Variants in ATL2 observed in about 807,000 individuals in gnomAD.
ATL2 encodes the protein atlastin-2.
In ATL2, 31 loss-of-function variants were observed where a neutral mutation model predicts 73.9. The ratio of observed to expected loss-of-function variants is 0.42; its 90% CI spans 0.32 to 0.57. The LOEUF (loss-of-function observed/expected upper bound fraction) is 0.57, where lower values mean the gene tolerates loss of function less well. ATL2 is among the 20% of genes least tolerant of loss of function. ATL2 has a pLI of 0.14. For synonymous variants in ATL2, 291 were observed against 237.5 expected (o/e 1.23, Z -2.07); for missense variants, 738 against 702.6 (o/e 1.05, Z -0.57).
At chr2:38,326,249 C>T (rs1668658326) in intron 2 of ATL2, among the ~76,000 whole-genome samples, 1 of 152,152 alleles carries the variant, frequency 6.6e-6, no homozygotes, top group Non-Finnish European at 1.5e-5. Context: ...ACCCCAAAGA[C>T]AGTGAGAGAA....
chr2:38,304,943 A>C (rs1480619616), intron 9 of ATL2, among the ~76,000 whole-genome samples: 1 of 152,182 alleles, frequency 6.6e-6, no homozygotes, highest in Non-Finnish European at 1.5e-5. Flanking sequence ...CATTGAGTGT[A>C]AATGGGCTAA....
chr2:38,372,123 G>GT (rs371482809), intron 1 of ATL2, among the ~76,000 whole-genome samples: 2,565 of 125,144 alleles, frequency 0.02, 65 homozygotes, highest in South Asian at 0.05. Flanking sequence ...CATGTTAATT[G>GT]TTTTTTTTTT....
chr2:38,370,974 A>C (rs1326058404), intron 1 of ATL2, among the ~76,000 whole-genome samples: 1 of 151,840 alleles, frequency 6.6e-6, no homozygotes, highest in Non-Finnish European at 1.5e-5. Context: ...GAAAAAAATA[A>C]GGAAAAAAAT....
At position 38,309,519 on chromosome 2, in the gene ATL2, A is replaced by C; in HGVS notation, c.944-13T>G. 1 of 1,605,682 alleles carries C rather than the reference A, an allele frequency of 6.2e-7. No homozygotes were observed. The highest frequency in any genetic ancestry group is 2.2e-5 in the East Asian group (1 of 44,760). On this transcript the variant is annotated splice_polypyrimidine_tract_variant and intron_variant, in intron 8 of 12. Transcript: ENST00000378954. Reference sequence around the variant, plus strand: ...TCTTCATCAATATCTAGAAAACAAAAAATTGAGCAACATATTAGTCCAAAA... The same window carrying C: ...TCTTCATCAATATCTAGAAAACAAACAATTGAGCAACATATTAGTCCAAAA...
intron 9 of ATL2, 56 bp from the exon 10 acceptor site, chr2:38,300,384 C>A: frequency 8.1e-7 from 1 of 1,238,036 alleles, no homozygotes; most frequent in South Asian, 1.3e-5. Flanking sequence ...GCTCCACATC[C>A]CCAAAGAAAG....
chr2:38,343,619 C>T, intron 1 of ATL2, 107 bp from the exon 2 acceptor site: 1 of 938,340 alleles, frequency 1.1e-6, no homozygotes, highest in Non-Finnish European at 1.6e-6. Context: ...GCCCCCTCCC[C>T]CCATTATAGA....
At chr2:38,330,283 A>C (rs138280067) in intron 2 of ATL2, among the ~76,000 whole-genome samples, 15 of 152,112 alleles carry the variant, frequency 9.9e-5, no homozygotes, top group Admixed American at 9.8e-4. Flanking sequence ...AAAAATCTAC[A>C]AAAAATCCTA....
intron 1 of ATL2, among the ~76,000 whole-genome samples, chr2:38,371,454 T>C (rs1308899544): frequency 6.6e-6 from 1 of 151,952 alleles, no homozygotes; most frequent in Admixed American, 6.6e-5. Context: ...ACCGCGGTGA[T>C]CACGCCACTG....
chr2:38,334,894 ATATATTAT>A (rs1669237328), intron 2 of ATL2, among the ~76,000 whole-genome samples: 4 of 115,710 alleles, frequency 3.5e-5, no homozygotes, highest in African/African-American at 1.6e-4. Flanking sequence ...AATATATAAT[ATATATTAT>A]TTATAATATA....
chr2:38,328,404 C>T (rs1195308742), intron 2 of ATL2, among the ~76,000 whole-genome samples: 2 of 152,134 alleles, frequency 1.3e-5, no homozygotes, highest in Non-Finnish European at 2.9e-5. Context: ...GAACATTCAC[C>T]AAGGTAGACC....
chr2:38,319,023 TTAAAGTCAAGGA>T lies in ATL2; in HGVS notation c.364-16_364-5del. The T allele has an allele frequency of 6.2e-7, 1 of 1,610,352 alleles. No individual in the cohort carries two copies. The highest frequency in any genetic ancestry group is 8.5e-7 in the Non-Finnish European group (1 of 1,178,824). The stretch of plus-strand genomic sequence containing the variant: ...CACCAATCCAACTTTGAGAATCCTG[TTAAAGTCAAGGA>T]TAAATGTAAAATACAACACAATTAA... On this transcript the variant is annotated splice_region_variant and splice_polypyrimidine_tract_variant and intron_variant, in intron 2 of 12. Coordinates refer to ENST00000378954, the MANE Select transcript of ATL2 (RefSeq NM_001135673.4).
At chr2:38,319,909 A>T (rs1573471144) in intron 2 of ATL2, among the ~76,000 whole-genome samples, 1 of 152,134 alleles carries the variant, frequency 6.6e-6, no homozygotes, top group Non-Finnish European at 1.5e-5. Context: ...GGAGTTCGAG[A>T]CCAGCCTGGC....
At chr2:38,334,949 A>T (rs1354375580) in intron 2 of ATL2, among the ~76,000 whole-genome samples, 8 of 24,916 alleles carry the variant, frequency 3.2e-4, no homozygotes, top group East Asian at 4.3e-3. Flanking sequence ...TAACATTTAT[A>T]TAATAAATAT....
At chr2:38,349,594 G>A (rs990430733) in intron 1 of ATL2, among the ~76,000 whole-genome samples, 4 of 151,036 alleles carry the variant, frequency 2.6e-5, no homozygotes, top group Non-Finnish European at 5.9e-5. Flanking sequence ...AATGGGTGCA[G>A]CACACCAGCA....
chr2:38,338,386 C>T (rs944518251), intron 2 of ATL2, among the ~76,000 whole-genome samples: 1 of 152,060 alleles, frequency 6.6e-6, no homozygotes, highest in African/African-American at 2.4e-5. Flanking sequence ...ATCAATTGTA[C>T]CCCAAACATC....
chr2:38,328,847 A>C (rs1668814134), intron 2 of ATL2, among the ~76,000 whole-genome samples: 1 of 152,072 alleles, frequency 6.6e-6, no homozygotes, highest in Non-Finnish European at 1.5e-5. Flanking sequence ...AAACAAGAAA[A>C]CAGAAAATCA....
chr2:38,363,409 G>A (rs1671125585), intron 1 of ATL2, among the ~76,000 whole-genome samples: 1 of 149,906 alleles, frequency 6.7e-6, no homozygotes, highest in African/African-American at 2.5e-5. Flanking sequence ...AACAAATCTT[G>A]GCATACAGCT....
intron 1 of ATL2, among the ~76,000 whole-genome samples, chr2:38,371,700 C>T (rs1671699191): frequency 6.6e-6 from 1 of 152,020 alleles, no homozygotes; most frequent in African/African-American, 2.4e-5. Flanking sequence ...GAGTTCGAGA[C>T]CAGCCTGGCC....
chr2:38,339,279 G>A (rs911418815), intron 2 of ATL2, among the ~76,000 whole-genome samples: 1 of 152,000 alleles, frequency 6.6e-6, no homozygotes, highest in Non-Finnish European at 1.5e-5. Context: ...AAGAAACTAA[G>A]GAGACATGAC....
Sources: gnomAD v4.1 joint callset for allele counts (sites outside exome capture counted in the v4.1 genomes callset) on GRCh38, gnomAD v4.1.1 for gene constraint, MANE v1.5 for transcripts, NCBI Gene and HGNC (gene_info 2026-07-23, HGNC 2026-07-21) for gene names.